Variants in GNAS observed in about 807,000 individuals in gnomAD.
The protein encoded by GNAS is protein ALEX.
A neutral mutation model predicts 54.5 loss-of-function variants in GNAS; 8 were observed. That is an observed-to-expected ratio of 0.15 (90% CI 0.09 to 0.26). The LOEUF is 0.26. Ranked by LOEUF, GNAS falls within the 10% of genes least tolerant of loss-of-function variation. The pLI is 1.00. For synonymous variants in GNAS, 204 were observed against 191.4 expected, an observed-to-expected ratio of 1.07 and a Z score of -0.54; for missense variants, 170 against 529.8, an observed-to-expected ratio of 0.32 and a Z score of 6.67.
At chr20:58,854,964 G>A (rs966479648) in intron 1 of GNAS, 1 of 1,611,260 alleles carries the variant, frequency 6.2e-7, no homozygotes, top group Admixed American at 1.7e-5. Flanking sequence ...GTACTACGAT[G>A]AAGGGGTGGC....
rs1170542800 is a variant in GNAS at position 58,891,679 on chromosome 20, C to CCCGCCG, written c.-40_-35dup. ...CCCGGCCCGCGTGAGGCCGCCCGCG[C>CCCGCCG]CCGCCGCCGCCGCAGCCCGGCCGCG... On this transcript the variant is annotated 5_prime_UTR_variant, in exon 1 of 13. Transcript: ENST00000371085. The CCCGCCG allele has an allele frequency of 4.1e-6, 4 of 973,710 alleles. No individual in the cohort carries two copies. The highest frequency in any genetic ancestry group is 6.5e-5 in the Admixed American group (1 of 15,366). The allele number at this position is 973,710 out of a possible 1,614,324, so 60.3% of individuals were successfully genotyped here. A position where few individuals can be genotyped will look rare whatever the true frequency, so the allele number is the denominator to read the frequency against.
At chr20:58,893,926 A>G (rs568341621) in intron 1 of GNAS, among the ~76,000 whole-genome samples, 1 of 152,330 alleles carries the variant, frequency 6.6e-6, no homozygotes, top group Admixed American at 6.5e-5. Flanking sequence ...CACGGGGGCT[A>G]ATCTAAGTGT....
At chr20:58,868,438 A>G (rs113371434) in intron 1 of GNAS, among the ~76,000 whole-genome samples, 20,211 of 149,426 alleles carry the variant, frequency 0.14, 1,432 homozygotes, top group African/African-American at 0.18. Context: ...ACAGGCGTGA[A>G]CCACCGCAGC....
chr20:58,855,343 C>T (rs1160673026), intron 1 of GNAS: 1 of 1,558,606 alleles, frequency 6.4e-7, no homozygotes, highest in Non-Finnish European at 8.7e-7. Context: ...GGTAATGCGG[C>T]GGACTCTGCC....
chr20:58,887,682 T>C (rs903090577), upstream of GNAS, among the ~76,000 whole-genome samples: 7 of 152,200 alleles, frequency 4.6e-5, no homozygotes, highest in African/African-American at 1.7e-4. Context: ...GACAAAAACC[T>C]GGCCCCAACT....
Position 58,841,543 on chromosome 20 carries a change from G to C in GNAS, c.43+657G>C. On this transcript the variant is annotated intron_variant, in intron 1 of 12. Coordinates refer to the GNAS transcript ENST00000306090. The surrounding 1 kb of genome is among the most constrained non-coding windows in gnomAD (Gnocchi z 5.0). The stretch of plus-strand genomic sequence containing the variant: ...CAGTGCCTCCAGCTGCCGTGCGCCA[G>C]CCTTGGCCGCCACAGCCCGCCTCCC... 1 of 996,526 alleles carries C rather than the reference G, an allele frequency of 1.0e-6. No homozygotes were observed. Among genetic ancestry groups the C allele is most frequent in the Non-Finnish European group, 1.2e-6 (1 of 837,834 alleles). The allele number at this position is 996,526 out of a possible 1,614,324, so 61.7% of individuals were successfully genotyped here.
intron 3 of GNAS, chr20:58,899,441 CT>C (rs2090386407): frequency 1.9e-6 from 1 of 536,986 alleles, no homozygotes; most frequent in South Asian, 1.4e-5. Context: ...GCTGCACCGT[CT>C]TTAATTTTGA....
chr20:58,840,807 C>T (rs761327919), upstream of GNAS: 46 of 1,612,548 alleles, frequency 2.9e-5, no homozygotes, highest in Admixed American at 6.7e-5. The surrounding 1 kb of genome is among the most constrained non-coding windows in gnomAD (Gnocchi z 6.0). Context: ...CCGGAGTCCC[C>T]TTCCAAAAAG....
intron 1 of GNAS, among the ~76,000 whole-genome samples, chr20:58,851,269 G>A (rs183562217): frequency 3.3e-5 from 5 of 152,316 alleles, no homozygotes; most frequent in Non-Finnish European, 7.4e-5. Flanking sequence ...AGGATGCACG[G>A]TGCCTGTGGT....
chr20:58,909,239 A>G lies in GNAS; in HGVS notation c.585+23A>G. 6.2e-7 allele frequency: 1 copy of G among 1,608,560 alleles called. No individual in the cohort carries two copies. Among genetic ancestry groups the G allele is most frequent in the Non-Finnish European group, 8.5e-7 (1 of 1,174,898 alleles). The stretch of plus-strand genomic sequence containing the variant: ...CAGGTGTGCAAAACCCCTCCCCACC[A>G]GAGGACTCTGAGCCCTCTTTCCAAA... On this transcript the variant is annotated intron_variant, in intron 7 of 12. Coordinates refer to ENST00000371085, the MANE Select transcript of GNAS (RefSeq NM_000516.7). The surrounding 1 kb of genome is among the most constrained non-coding windows in gnomAD (Gnocchi z 7.3).
intron 3 of GNAS, among the ~76,000 whole-genome samples, chr20:58,901,509 G>T (rs1287615996): frequency 6.6e-6 from 1 of 152,104 alleles, no homozygotes; most frequent in African/African-American, 2.4e-5. Flanking sequence ...CGGACCTGCA[G>T]CACTTTTACT....
intron 1 of GNAS, among the ~76,000 whole-genome samples, chr20:58,859,887 G>T (rs1437102992): frequency 6.6e-6 from 1 of 152,164 alleles, no homozygotes; most frequent in Non-Finnish European, 1.5e-5. Context: ...GCCTCCCAAA[G>T]TTCTGGGATT....
At position 58,853,547 on chromosome 20, in the gene GNAS, C is replaced by G; in HGVS notation, c.43+12661C>G. ...GGGAAGCTGGAGCCCATGGAAGCTA[C>G]AGCCCACCTCCTGAGGAAGCAATGC... On this transcript the variant is annotated intron_variant, in intron 1 of 12. Transcript: ENST00000306090. This position sits in a 1 kb window ranked among gnomAD's most constrained non-coding sequence, Gnocchi z 4.4. The G allele has an allele frequency of 6.2e-7, 1 of 1,613,306 alleles. No homozygotes were observed. Among genetic ancestry groups the G allele is most frequent in the Non-Finnish European group, 8.5e-7 (1 of 1,179,878 alleles).
Position 58,853,436 on chromosome 20 carries a change from G to T in GNAS, c.43+12550G>T. The T allele has an allele frequency of 6.2e-7, 1 of 1,607,516 alleles. No homozygotes were observed. The highest frequency in any genetic ancestry group is 1.1e-5 in the South Asian group (1 of 90,096). On this transcript the variant is annotated intron_variant, in intron 1 of 12. Transcript: ENST00000306090. This position sits in a 1 kb window ranked among gnomAD's most constrained non-coding sequence, Gnocchi z 4.4. ...TGGAGACCGAACCGCCTCACAACGA[G>T]CCCATCCCCGTCGAGAATGATGGCG...
chr20:58,843,556 C>T (rs542785471), intron 1 of GNAS, among the ~76,000 whole-genome samples: 5 of 152,120 alleles, frequency 3.3e-5, no homozygotes, highest in Non-Finnish European at 5.9e-5. Flanking sequence ...GTGAGGTCTG[C>T]GGGGTGAGGA....
chr20:58,903,403 C>A, intron 3 of GNAS, 128 bp from the exon 4 acceptor site: 3 of 832,932 alleles, frequency 3.6e-6, no homozygotes, highest in Non-Finnish European at 6.0e-6. Flanking sequence ...AATCTTTGCA[C>A]AGATCCGAAC....
chr20:58,887,578 G>A (rs181365901), upstream of GNAS, among the ~76,000 whole-genome samples: 68 of 152,296 alleles, frequency 4.5e-4, no homozygotes, highest in African/African-American at 1.5e-3. Flanking sequence ...TCTTTGGTTA[G>A]GTGAAAAGCA....
At chr20:58,852,955 C>CAAAA in intron 1 of GNAS, 1 of 1,084,250 alleles carries the variant, frequency 9.2e-7, no homozygotes, top group Non-Finnish European at 1.1e-6. Flanking sequence ...TGGCCTGGAG[C>CAAAA]AAAAAGAAAG....
intron 1 of GNAS, chr20:58,850,572 T>C: frequency 2.5e-6 from 1 of 398,888 alleles, no homozygotes. Flanking sequence ...CCTCAACTCC[T>C]TATCCATCCT....
Sources: gnomAD v4.1 joint callset for allele counts (sites outside exome capture counted in the v4.1 genomes callset) on GRCh38, gnomAD v4.1.1 for gene constraint, Gnocchi (gnomAD v3.1) non-coding constraint, MANE v1.5 for transcripts, NCBI Gene and HGNC (gene_info 2026-07-23, HGNC 2026-07-21) for gene names.